GMDS: variants seen among roughly 807,000 people sequenced by gnomAD.
The protein encoded by GMDS is GDP-mannose 4,6 dehydratase.
GMDS carries 20 observed loss-of-function variants against 49.9 expected under a neutral mutation model. The ratio of observed to expected loss-of-function variants is 0.40; its 90% confidence interval spans 0.28 to 0.58. The LOEUF (loss-of-function observed/expected upper bound fraction) is 0.58, where lower values mean the gene tolerates loss of function less well. GMDS is among the 20% of genes least tolerant of loss of function. The probability of loss-of-function intolerance (pLI) is 0.42; values close to 1 mark genes in which losing one functional copy is unlikely to be tolerated. For synonymous variants in GMDS, 177 were observed against 178.6 expected (o/e 0.99, Z 0.07); for missense variants, 362 against 481.4 (o/e 0.75, Z 2.32).
chr6:1,663,403 C>T (rs186603339), intron 9 of GMDS, among the ~76,000 whole-genome samples: 5 of 152,312 alleles, frequency 3.3e-5, no homozygotes, highest in African/African-American at 7.2e-5. Context: ...TTAACTGAAA[C>T]GTCCCAAAGT....
At chr6:2,076,027 A>G (rs1376272870) in intron 4 of GMDS, among the ~76,000 whole-genome samples, 9 of 152,010 alleles carry the variant, frequency 5.9e-5, no homozygotes, top group Non-Finnish European at 1.2e-4. Flanking sequence ...GCATTTTTTC[A>G]TGTGTCTTTT....
At chr6:1,886,154 C>T (rs1759595814) in intron 7 of GMDS, among the ~76,000 whole-genome samples, 1 of 152,176 alleles carries the variant, frequency 6.6e-6, no homozygotes, top group South Asian at 2.1e-4. Context: ...TAAAATATAA[C>T]ATTAATTTCC....
chr6:1,995,284 C>A (rs537255978), intron 4 of GMDS, among the ~76,000 whole-genome samples: 1 of 152,304 alleles, frequency 6.6e-6, no homozygotes, highest in Admixed American at 6.5e-5. Context: ...GAAGACCAGT[C>A]TTGCACCACA....
At chr6:1,796,043 C>A (rs1769721499) in intron 7 of GMDS, among the ~76,000 whole-genome samples, 1 of 152,104 alleles carries the variant, frequency 6.6e-6, no homozygotes. Flanking sequence ...GGTGTGGCTT[C>A]AGCGGAAAGA....
intron 1 of GMDS, among the ~76,000 whole-genome samples, chr6:2,147,369 C>A (rs1013555313): frequency 1.3e-5 from 2 of 152,262 alleles, no homozygotes; most frequent in East Asian, 3.9e-4. Flanking sequence ...CTCACATACA[C>A]GTTTAGCGTC....
intron 1 of GMDS, among the ~76,000 whole-genome samples, chr6:2,173,204 G>C (rs1362744250): frequency 6.6e-6 from 1 of 152,174 alleles, no homozygotes; most frequent in Non-Finnish European, 1.5e-5. Flanking sequence ...GAAGAAAATT[G>C]AGTCTTAAGC....
At chr6:1,732,841 G>A (rs936963599) in intron 8 of GMDS, among the ~76,000 whole-genome samples, 7 of 152,160 alleles carry the variant, frequency 4.6e-5, no homozygotes, top group African/African-American at 1.7e-4. Flanking sequence ...TAGAGGACTA[G>A]GGTGCTGGGG....
At chr6:2,055,622 C>T (rs183770671) in intron 4 of GMDS, among the ~76,000 whole-genome samples, 21 of 152,146 alleles carry the variant, frequency 1.4e-4, no homozygotes, top group South Asian at 4.2e-4. Flanking sequence ...GAGTGGTTAA[C>T]GGAGAAAACA....
At chr6:1,866,764 G>A (rs1293194514) in intron 7 of GMDS, among the ~76,000 whole-genome samples, 2 of 152,196 alleles carry the variant, frequency 1.3e-5, no homozygotes, top group Non-Finnish European at 2.9e-5. Context: ...GTGAGCAGAT[G>A]CTGCTGAACC....
At chr6:2,050,546 A>G (rs1401654352) in intron 4 of GMDS, among the ~76,000 whole-genome samples, 17 of 152,328 alleles carry the variant, frequency 1.1e-4, no homozygotes, top group African/African-American at 3.8e-4. Flanking sequence ...GCATCATCCT[A>G]ATACCAAAGC....
chr6:1,729,345 A>C (rs1766706919), intron 8 of GMDS, among the ~76,000 whole-genome samples: 2 of 152,118 alleles, frequency 1.3e-5, no homozygotes, highest in East Asian at 1.9e-4. Context: ...CTTTCTTGCC[A>C]CTGTCTGAAC....
intron 1 of GMDS, among the ~76,000 whole-genome samples, chr6:2,224,994 G>A (rs1290940909): frequency 6.6e-6 from 1 of 151,768 alleles, no homozygotes; most frequent in Non-Finnish European, 1.5e-5. Flanking sequence ...ACGCACGTAC[G>A]TCCACACGAT....
intron 4 of GMDS, among the ~76,000 whole-genome samples, chr6:2,107,077 T>C (rs1040415787): frequency 1.2e-4 from 19 of 152,336 alleles, no homozygotes; most frequent in African/African-American, 4.6e-4. Context: ...AGCCACTATT[T>C]ATAAACACAT....
At chr6:2,136,306 C>T (rs1775996667) in intron 1 of GMDS, among the ~76,000 whole-genome samples, 1 of 152,208 alleles carries the variant, frequency 6.6e-6, no homozygotes, top group South Asian at 2.1e-4. Context: ...AATTCATGTA[C>T]CCAACCTGTA....
At chr6:1,661,942 T>G (rs1289539658) in intron 9 of GMDS, among the ~76,000 whole-genome samples, 1 of 152,160 alleles carries the variant, frequency 6.6e-6, no homozygotes, top group South Asian at 2.1e-4. Flanking sequence ...CAAAAACCCA[T>G]GACAGACAGC....
chr6:1,958,054 A>C (rs2325722), intron 6 of GMDS, among the ~76,000 whole-genome samples: 88,836 of 150,912 alleles, frequency 0.59, 26,163 homozygotes, highest in East Asian at 0.64. Flanking sequence ...GATCCCCCGA[A>C]CTTAGCTTCC....
intron 9 of GMDS, among the ~76,000 whole-genome samples, chr6:1,716,789 C>G (rs1766191127): frequency 6.6e-6 from 1 of 152,204 alleles, no homozygotes; most frequent in Non-Finnish European, 1.5e-5. Flanking sequence ...TACACCCCGT[C>G]CCCCAACTCT....
In GMDS at chr6:1,934,706, CAT is replaced by C. The variant is rs952455831; in HGVS notation, c.644-4478_644-4477del. 3.5e-4 allele frequency among the ~76,000 whole-genome samples: 53 copies of C among 152,212 alleles called. 1 individual carries two copies. The highest frequency in any genetic ancestry group is 1.1e-3 in the African/African-American group (44 of 41,534). On this transcript the variant is annotated intron_variant, in intron 6 of 10. Transcript: ENST00000380815. ...TTAATTTTAAACATTTTTGTAACCA[CAT>C]GTTTTACTACTTAATTCTCAAGAAA...
intron 7 of GMDS, among the ~76,000 whole-genome samples, chr6:1,800,523 G>A (rs1026297764): frequency 6.6e-6 from 1 of 152,000 alleles, no homozygotes; most frequent in African/African-American, 2.4e-5. Context: ...TGCAACCTCC[G>A]CCTCCTGGGT....
Sources: allele counts gnomAD v4.1 joint callset (sites outside exome capture counted in the v4.1 genomes callset), GRCh38; gene constraint gnomAD v4.1.1; transcripts MANE v1.5; gene names NCBI Gene and HGNC (gene_info 2026-07-23, HGNC 2026-07-21).